Variants in CHFR observed in about 807,000 individuals in gnomAD.
CHFR encodes the protein checkpoint with forkhead and ring finger domains, also known as E3 ubiquitin-protein ligase CHFR.
In CHFR, 57 loss-of-function variants were observed where a neutral mutation model predicts 87.6. The observed-to-expected ratio is 0.65, with a 90% CI of 0.53 to 0.81. CHFR has a LOEUF of 0.81. Among genes scored for constraint, CHFR ranks in the 30% least tolerant of loss-of-function variants. CHFR has a pLI of 0.00. For synonymous variants in CHFR, 381 were observed against 359.2 expected, an observed-to-expected ratio of 1.06 and a Z score of -0.69; for missense variants, 797 against 865.8, an observed-to-expected ratio of 0.92 and a Z score of 1.00.
At position 132,859,171 on chromosome 12, in the gene CHFR, G is replaced by T. The variant is rs781395404; in HGVS notation, c.808C>A (p.Gln270Lys). Residue 270 changes from glutamine (Q) to lysine (K), a missense_variant, in exon 8 of 18, where the codon CAA becomes AAA. By Grantham distance (53) the Gln-to-Lys change is moderately conservative. Transcript: ENST00000450056. Reference protein sequence around the residue: ...LLVAQPRRNAQTVHEDVRAAA... With the variant: ...LLVAQPRRNAKTVHEDVRAAA... ...GCTCTGACGTCCTCGTGGACGGTTT[G>T]GGCATTTCTACGCGGTTGTGCGACC... 6.2e-7 allele frequency: 1 copy of T among 1,613,860 alleles called. No homozygotes were observed. Among genetic ancestry groups the T allele is most frequent in the Non-Finnish European group, 8.5e-7 (1 of 1,179,958 alleles).
intron 2 of CHFR, among the ~76,000 whole-genome samples, chr12:132,878,235 C>A (rs1725731726): frequency 1.3e-5 from 2 of 152,134 alleles, no homozygotes; most frequent in South Asian, 4.1e-4. Flanking sequence ...CTTTGAGAAG[C>A]TGAGGTGAAT....
intron 2 of CHFR, 39 bp downstream of exon 2, chr12:132,887,157 G>C: frequency 1.4e-6 from 2 of 1,443,028 alleles, no homozygotes; most frequent in South Asian, 1.4e-5. Flanking sequence ...CGGTGGCTCT[G>C]CCCGGCCCCG....
intron 2 of CHFR, among the ~76,000 whole-genome samples, chr12:132,881,793 G>C (rs928251367): frequency 1.7e-4 from 26 of 151,050 alleles, no homozygotes; most frequent in African/African-American, 5.6e-4. Context: ...GCTTGAACCC[G>C]GGAGGCGGAG....
rs1950667880 is a variant in CHFR, at chr12:132,838,814, G to GCC, written c.*2738_*2739dup. On this transcript the variant is annotated 3_prime_UTR_variant, in exon 18 of 18. Coordinates refer to ENST00000450056, the MANE Select transcript of CHFR (RefSeq NM_001161346.2). ...CATGAAAAGACGGAATGAGTTCACGGCCACCTGCTTCCATAAAACACAGCT... is the reference window on the plus strand; with the variant it reads ...CATGAAAAGACGGAATGAGTTCACGGCCCCACCTGCTTCCATAAAACACAGCT... The GCC allele has an allele frequency of 1.3e-5, 2 of 152,266 alleles. No homozygotes were observed. The highest frequency in any genetic ancestry group is 1.3e-4 in the Admixed American group (2 of 15,278). 9.4% of individuals were successfully genotyped at this position (152,266 alleles called of 1,614,324 possible). A position where few individuals can be genotyped will look rare whatever the true frequency, so the allele number is the denominator to read the frequency against.
chr12:132,883,984 G>A (rs1416218110), intron 2 of CHFR, among the ~76,000 whole-genome samples: 2 of 152,166 alleles, frequency 1.3e-5, no homozygotes, highest in Non-Finnish European at 2.9e-5. Flanking sequence ...GCCAGGTGTG[G>A]TGGCACACGC....
chr12:132,861,690 A>G (rs1350904765), intron 6 of CHFR, 56 bp from the exon 7 acceptor site: 2 of 1,542,432 alleles, frequency 1.3e-6, no homozygotes, highest in Non-Finnish European at 1.8e-6. Flanking sequence ...GGAGAGAACC[A>G]TGCCTGTAAG....
At chr12:132,853,631 G>A (rs867070196) in intron 10 of CHFR, 58 bp from the exon 11 acceptor site, 126 of 1,469,894 alleles carry the variant, frequency 8.6e-5, no homozygotes, top group Middle Eastern at 5.5e-4. Context: ...AGGTAGGGCC[G>A]GTGCAACGCG....
intron 11 of CHFR, among the ~76,000 whole-genome samples, chr12:132,853,068 C>G (rs1950981391): frequency 6.6e-6 from 1 of 152,208 alleles, no homozygotes; most frequent in Non-Finnish European, 1.5e-5. Context: ...GGGGAGAAGC[C>G]CGCCTCTTAC....
chr12:132,850,629 C>T (rs1431977636), intron 12 of CHFR, among the ~76,000 whole-genome samples: 3 of 152,198 alleles, frequency 2.0e-5, no homozygotes, highest in Non-Finnish European at 4.4e-5. Flanking sequence ...AGCCCAGTCT[C>T]AGGGTACAGA....
rs1297413435 is a variant in CHFR, at chr12:132,838,609, T to TG, written c.*2944dup. The TG allele has an allele frequency of 6.6e-6, 1 of 152,398 alleles. No homozygotes were observed. Among genetic ancestry groups the TG allele is most frequent in the Non-Finnish European group, 1.5e-5 (1 of 68,198 alleles). The allele number at this position is 152,398 out of a possible 1,614,324, so 9.4% of individuals were successfully genotyped here. A position where few individuals can be genotyped will look rare whatever the true frequency, so the allele number is the denominator to read the frequency against. ...CCCTGCCCTGGGTTTGTCCCAAGGCTGGGCCAAGGAGCCAGGAAGAAGCAG... is the reference window on the plus strand; with the variant it reads ...CCCTGCCCTGGGTTTGTCCCAAGGCTGGGGCCAAGGAGCCAGGAAGAAGCAG... On this transcript the variant is annotated 3_prime_UTR_variant, in exon 18 of 18. Transcript: ENST00000450056.
intron 15 of CHFR, among the ~76,000 whole-genome samples, 183 bp downstream of exon 15, chr12:132,846,860 A>G (rs1272532170): frequency 6.6e-6 from 1 of 152,166 alleles, no homozygotes; most frequent in Non-Finnish European, 1.5e-5. Flanking sequence ...AGTCTGGGCA[A>G]CAAGAGCGAG....
At chr12:132,872,450 A>T (rs1727087513) in intron 3 of CHFR, 56 bp from the exon 4 acceptor site, 6 of 1,353,886 alleles carry the variant, frequency 4.4e-6, no homozygotes, top group African/African-American at 1.4e-5. Flanking sequence ...GAGTTACAAG[A>T]TTTTTTTTCT....
intron 10 of CHFR, among the ~76,000 whole-genome samples, chr12:132,855,207 A>G (rs1475071973): frequency 6.7e-6 from 1 of 149,436 alleles, no homozygotes; most frequent in Non-Finnish European, 1.5e-5. Flanking sequence ...ATGCCACTGC[A>G]CTCCAGCCTG....
chr12:132,848,925 A>G, intron 12 of CHFR: 1 of 528,562 alleles, frequency 1.9e-6, no homozygotes, highest in South Asian at 2.9e-5. Context: ...GTATCCCTGA[A>G]AAAAGGCGAG....
At chr12:132,846,914 A>G (rs1950842707) in intron 15 of CHFR, 129 bp downstream of exon 15, 2 of 703,216 alleles carry the variant, frequency 2.8e-6, no homozygotes, top group Non-Finnish European at 5.0e-6. Flanking sequence ...ACAACCTGAA[A>G]GCATCAGGAT....
rs1950676165 is a variant in CHFR at position 132,839,620 on chromosome 12, A to ACAT, written c.*1933_*1934insATG. 7.1e-6 allele frequency: 1 copy of ACAT among 140,898 alleles called. No homozygotes were observed. Among genetic ancestry groups the ACAT allele is most frequent in the African/African-American group, 3.0e-5 (1 of 32,880 alleles). 8.7% of individuals were successfully genotyped at this position (140,898 alleles called of 1,614,324 possible). On this transcript the variant is annotated 3_prime_UTR_variant, in exon 18 of 18. Transcript: ENST00000450056. Reference sequence around the variant, plus strand: ...CCCTCTCGGCCTCACCCCTGCACTTAGGGACCTCCCCTCTCAGCCTCGCCT... The same window carrying ACAT: ...CCCTCTCGGCCTCACCCCTGCACTTACATGGGACCTCCCCTCTCAGCCTCGCCT...
At position 132,853,540 on chromosome 12, in the gene CHFR, C is replaced by T; in HGVS notation, c.1263G>A (p.Glu421=). 1 of 1,533,746 alleles carries T rather than the reference C, an allele frequency of 6.5e-7. No homozygotes were observed. The change falls in exon 11 of 18, where the codon GAG becomes GAA. Residue 421 remains glutamate, a synonymous_variant. Transcript: ENST00000450056. Reference sequence around the variant, plus strand: ...GAGGCTGCGCCGCCTGCCTTCTGTACTCAGGACACTGCCGGCACACGACGT... The same window carrying T: ...GAGGCTGCGCCGCCTGCCTTCTGTATTCAGGACACTGCCGGCACACGACGT... The part of the protein sequence containing the change: ...QPYVVCRQCP[E]YRRQAAQPPH...
intron 8 of CHFR, 85 bp from the exon 9 acceptor site, chr12:132,857,644 G>A (rs1566185923): frequency 1.0e-5 from 14 of 1,367,378 alleles, no homozygotes; most frequent in African/African-American, 1.4e-5. Context: ...GCCCCACCAC[G>A]GAAGGGCCTA....
rs752563941 is a variant in CHFR, at chr12:132,847,147, G to T, written c.1648-17C>A. ...CAGGTAATTCTGTGACGCAAAAAAA[G>T]AGAGGAATAAGAAATACTCGTTTAG... On this transcript the variant is annotated splice_polypyrimidine_tract_variant and intron_variant, in intron 14 of 17. Coordinates refer to ENST00000450056, the MANE Select transcript of CHFR (RefSeq NM_001161346.2). 6.2e-7 allele frequency: 1 copy of T among 1,612,838 alleles called. No individual in the cohort carries two copies. The highest frequency in any genetic ancestry group is 8.5e-7 in the Non-Finnish European group (1 of 1,179,114).
Sources: allele counts gnomAD v4.1 joint callset (sites outside exome capture counted in the v4.1 genomes callset), GRCh38; gene constraint gnomAD v4.1.1; transcripts MANE v1.5; gene names NCBI Gene and HGNC (gene_info 2026-07-23, HGNC 2026-07-21).